Variants in MACROD2 observed in about 807,000 individuals in gnomAD.
MACROD2 encodes mono-ADP ribosylhydrolase 2.
Under a neutral mutation model 70.4 loss-of-function variants are expected in MACROD2, and 36 were observed. The observed-to-expected ratio is 0.51, with a 90% CI of 0.39 to 0.68. The LOEUF (loss-of-function observed/expected upper bound fraction) is 0.68, where lower values mean the gene tolerates loss of function less well. MACROD2 is among the 30% of genes least tolerant of loss of function. MACROD2 has a pLI of 0.00. For missense variants in MACROD2, 496 were observed against 538.4 expected (o/e 0.92, Z 0.78); for synonymous variants, 172 against 178.8 (o/e 0.96, Z 0.30).
chr20:14,511,935 C>T (rs891755560), intron 4 of MACROD2, among the ~76,000 whole-genome samples: 4 of 151,922 alleles, frequency 2.6e-5, no homozygotes, highest in African/African-American at 9.6e-5. Context: ...AACATTTTTT[C>T]AACTTATTTA....
intron 3 of MACROD2, among the ~76,000 whole-genome samples, chr20:14,317,616 CAA>C (rs57339002): frequency 0.064 from 7,245 of 112,628 alleles, 206 homozygotes; most frequent in African/African-American, 0.11. Context: ...GAGACTGTCT[CAA>C]AAAAAAAAAA....
intron 6 of MACROD2, 109 bp from the exon 7 acceptor site, chr20:15,431,296 A>G: frequency 6.4e-6 from 6 of 937,582 alleles, no homozygotes; most frequent in Non-Finnish European, 1.0e-5. Context: ...AGCTCTGAAT[A>G]TGTAAGTAGA....
At chr20:14,531,025 A>G (rs897069174) in intron 4 of MACROD2, among the ~76,000 whole-genome samples, 1 of 152,234 alleles carries the variant, frequency 6.6e-6, no homozygotes, top group Non-Finnish European at 1.5e-5. Context: ...TCCCAAGAAT[A>G]CAAAGCAATT....
intron 2 of MACROD2, among the ~76,000 whole-genome samples, chr20:14,055,482 A>T (rs1253950273): frequency 6.7e-6 from 1 of 148,172 alleles, no homozygotes; most frequent in Non-Finnish European, 1.5e-5. Flanking sequence ...TAATGGCATT[A>T]GGGAAAGATC....
At chr20:15,515,162 A>G (rs779565051) in intron 8 of MACROD2, among the ~76,000 whole-genome samples, 2 of 152,228 alleles carry the variant, frequency 1.3e-5, no homozygotes, top group African/African-American at 2.4e-5. Context: ...GGGACCTTTT[A>G]TTATCCAGCC....
Position 14,582,032 on chromosome 20 carries a change from C to A in MACROD2, c.301+88524C>A, listed in dbSNP as rs6110340. ...CGTTAGTCACCAGCCCAACTATACA[C>A]CCTTGGATTGGCTTTCCCCCTTCCT... On this transcript the variant is annotated intron_variant, in intron 4 of 17. Transcript: ENST00000684519. Among the ~76,000 whole-genome samples, 202 of 148,696 alleles carry A rather than the reference C, an allele frequency of 1.4e-3. 1 individual carries two copies. The highest frequency in any genetic ancestry group is 4.6e-3 in the African/African-American group (187 of 40,928).
chr20:15,705,863 A>C (rs1316067248), intron 8 of MACROD2, among the ~76,000 whole-genome samples: 1 of 152,194 alleles, frequency 6.6e-6, no homozygotes, highest in Admixed American at 6.5e-5. Flanking sequence ...TTCTATAGCA[A>C]ACTAACTTTT....
intron 8 of MACROD2, among the ~76,000 whole-genome samples, chr20:15,567,589 AGT>A (rs1203930368): frequency 6.6e-6 from 1 of 152,212 alleles, no homozygotes; most frequent in African/African-American, 2.4e-5. Context: ...TCACTTCTGT[AGT>A]GTATTGCAGG....
intron 7 of MACROD2, among the ~76,000 whole-genome samples, chr20:15,435,254 C>T (rs1427023467): frequency 2.0e-5 from 3 of 151,944 alleles, no homozygotes. Flanking sequence ...ACACATTTTC[C>T]AATACAGTAG....
At chr20:14,925,079 C>A (rs990524090) in intron 5 of MACROD2, among the ~76,000 whole-genome samples, 5 of 151,484 alleles carry the variant, frequency 3.3e-5, no homozygotes, top group African/African-American at 9.7e-5. Flanking sequence ...TAATGCTTGT[C>A]TTTTATGGCC....
At chr20:14,731,963 G>A (rs1473620257) in intron 5 of MACROD2, among the ~76,000 whole-genome samples, 1 of 152,018 alleles carries the variant, frequency 6.6e-6, no homozygotes, top group Admixed American at 6.6e-5. Context: ...CATCTGTATT[G>A]TTAATCTTTA....
At chr20:14,635,356 G>A (rs992602899) in intron 4 of MACROD2, among the ~76,000 whole-genome samples, 7 of 152,082 alleles carry the variant, frequency 4.6e-5, no homozygotes, top group African/African-American at 1.7e-4. Flanking sequence ...AGGTGACAAA[G>A]CCAGATTTGT....
intron 3 of MACROD2, among the ~76,000 whole-genome samples, chr20:14,271,522 G>GGGAAAACC (rs1415904188): frequency 6.6e-6 from 1 of 151,820 alleles, no homozygotes; most frequent in African/African-American, 2.4e-5. Context: ...AGCAAAAGTG[G>GGGAAAACC]ATAAAACCAC....
chr20:15,156,335 G>T (rs1336216528), intron 5 of MACROD2, among the ~76,000 whole-genome samples: 1 of 151,756 alleles, frequency 6.6e-6, no homozygotes. Flanking sequence ...CAGTGACTTA[G>T]AAAAAAAAGC....
At chr20:15,837,021 T>C (rs974038218) in intron 8 of MACROD2, among the ~76,000 whole-genome samples, 6 of 152,194 alleles carry the variant, frequency 3.9e-5, no homozygotes, top group African/African-American at 1.4e-4. Flanking sequence ...ATAACATTTT[T>C]TTCTTTGCAA....
Position 14,654,782 on chromosome 20 carries a change from GCTCT to G in MACROD2, c.302-30058_302-30055del, listed in dbSNP as rs1985881991. On this transcript the variant is annotated intron_variant, in intron 4 of 17. Coordinates refer to ENST00000684519, the MANE Select transcript of MACROD2 (RefSeq NM_001351661.2). ...CCGACAGCACTGTAGAAAAACAAGA[GCTCT>G]CTATTTCACTAAAAGCGCTCAGTTC... 2.6e-5 allele frequency among the ~76,000 whole-genome samples: 4 copies of G among 152,210 alleles called. 1 individual carries two copies. In the South Asian group the frequency reaches 6.2e-4, roughly 24 times the overall value.
intron 10 of MACROD2, among the ~76,000 whole-genome samples, chr20:15,902,620 C>A (rs572676470): frequency 3.3e-5 from 5 of 152,038 alleles, no homozygotes; most frequent in African/African-American, 9.7e-5. Flanking sequence ...TTCTACCTTG[C>A]GCCCTCTCGG....
At chr20:14,606,902 AG>A (rs1486762037) in intron 4 of MACROD2, among the ~76,000 whole-genome samples, 1 of 152,146 alleles carries the variant, frequency 6.6e-6, no homozygotes, top group East Asian at 1.9e-4. Flanking sequence ...TTGTTGTGTA[AG>A]TAACACATTT....
intron 5 of MACROD2, among the ~76,000 whole-genome samples, chr20:14,720,415 G>A (rs1223251844): frequency 6.6e-6 from 1 of 151,818 alleles, no homozygotes; most frequent in East Asian, 1.9e-4. Context: ...TTCATCCTGA[G>A]TAATGTGCTG....
Sources: gnomAD v4.1 joint callset for allele counts (sites outside exome capture counted in the v4.1 genomes callset) on GRCh38, gnomAD v4.1.1 for gene constraint, MANE v1.5 for transcripts, NCBI Gene and HGNC (gene_info 2026-07-23, HGNC 2026-07-21) for gene names.